Variants in COL23A1 observed in about 807,000 individuals in gnomAD.
COL23A1 encodes collagen alpha-1(XXIII) chain.
A neutral mutation model predicts 99.3 loss-of-function variants in COL23A1; 97 were observed. That is an observed-to-expected ratio of 0.98 (90% CI 0.83 to 1.16). The LOEUF is 1.16. Ranked by LOEUF, COL23A1 falls within the 50% of genes most tolerant of loss-of-function variation. The pLI is 0.00. For missense variants in COL23A1, 762 were observed against 757.4 expected, an observed-to-expected ratio of 1.01 and a Z score of -0.07; for synonymous variants, 320 against 308.2, an observed-to-expected ratio of 1.04 and a Z score of -0.40.
chr5:178,587,026 T>C (rs1764040516), intron 1 of COL23A1, among the ~76,000 whole-genome samples: 1 of 152,248 alleles, frequency 6.6e-6, no homozygotes, highest in Non-Finnish European at 1.5e-5. Flanking sequence ...TGGTCTCCTC[T>C]GAATACAACT....
chr5:178,567,135 A>G (rs1267753416), intron 1 of COL23A1, among the ~76,000 whole-genome samples: 1 of 152,246 alleles, frequency 6.6e-6, no homozygotes, highest in Non-Finnish European at 1.5e-5. Context: ...AGATAGATAC[A>G]TACAGAAATC....
chr5:178,466,131 C>T (rs544074686), intron 2 of COL23A1, among the ~76,000 whole-genome samples: 3 of 152,162 alleles, frequency 2.0e-5, no homozygotes, highest in East Asian at 1.9e-4. Context: ...GGCATTGCAA[C>T]GCAAACTCAC....
Position 178,342,377 on chromosome 5 carries a change from C to T in COL23A1, c.362-35458G>A, listed in dbSNP as rs189466104. ...CCCTCCTGCATTTATCATCCTGAGTCTGTTTGCTCCATGTCTTCACCCACC... is the reference window on the plus strand; with the variant it reads ...CCCTCCTGCATTTATCATCCTGAGTTTGTTTGCTCCATGTCTTCACCCACC... On this transcript the variant is annotated intron_variant, in intron 2 of 28. Transcript: ENST00000390654. 3.7e-3 allele frequency among the ~76,000 whole-genome samples: 566 copies of T among 152,326 alleles called. 4 individuals carry two copies. The highest frequency in any genetic ancestry group is 0.013 in the African/African-American group (540 of 41,564).
In COL23A1 at chr5:178,276,027, G is replaced by A. The variant is rs554873009; in HGVS notation, c.442-5664C>T. 1.4e-4 allele frequency among the ~76,000 whole-genome samples: 21 copies of A among 152,344 alleles called. No homozygotes were observed. In the South Asian group the frequency reaches 4.1e-3, roughly 30 times the overall value. Reference sequence around the variant, plus strand: ...GTAATTGGCCTGGTACTAACGCAGCGGGCATTTGAAACTGGTGGTCCTATA... The same window carrying A: ...GTAATTGGCCTGGTACTAACGCAGCAGGCATTTGAAACTGGTGGTCCTATA... On this transcript the variant is annotated intron_variant, in intron 5 of 28. Transcript: ENST00000390654.
intron 2 of COL23A1, among the ~76,000 whole-genome samples, chr5:178,388,490 C>CAG (rs1177231697): frequency 3.4e-4 from 52 of 152,308 alleles, no homozygotes; most frequent in Non-Finnish European, 6.8e-4. Flanking sequence ...TTCAGCGGCT[C>CAG]CTCCCAAGTC....
intron 2 of COL23A1, among the ~76,000 whole-genome samples, chr5:178,323,929 T>C (rs1581153370): frequency 6.6e-6 from 1 of 152,214 alleles, no homozygotes. Flanking sequence ...ACAGCTGGTA[T>C]GTGGCAGAGC....
intron 2 of COL23A1, among the ~76,000 whole-genome samples, chr5:178,491,061 G>A (rs1038806286): frequency 3.3e-5 from 5 of 151,232 alleles, no homozygotes; most frequent in African/African-American, 1.2e-4. Context: ...GAGAGAGAGA[G>A]AAAAAGAGGA....
At chr5:178,472,060 G>A (rs1756783034) in intron 2 of COL23A1, among the ~76,000 whole-genome samples, 1 of 152,212 alleles carries the variant, frequency 6.6e-6, no homozygotes, top group South Asian at 2.1e-4. Flanking sequence ...GGGAGCTCAA[G>A]GAGGGAGGAT....
intron 2 of COL23A1, among the ~76,000 whole-genome samples, chr5:178,446,105 T>A (rs73803102): frequency 4.0e-5 from 6 of 151,786 alleles, no homozygotes; most frequent in Non-Finnish European, 8.8e-5. Context: ...ATATATATAT[T>A]TTTAAACACA....
intron 2 of COL23A1, among the ~76,000 whole-genome samples, chr5:178,320,621 C>T (rs980913346): frequency 3.3e-5 from 5 of 152,190 alleles, no homozygotes; most frequent in African/African-American, 1.2e-4. Flanking sequence ...CAAATCCTGG[C>T]CTATGAGGCT....
chr5:178,406,869 C>A (rs1408873693), intron 2 of COL23A1, among the ~76,000 whole-genome samples: 2 of 152,118 alleles, frequency 1.3e-5, no homozygotes, highest in African/African-American at 4.8e-5. Flanking sequence ...TATAAAGCTA[C>A]AATAATTAAA....
At chr5:178,263,461 T>C in intron 8 of COL23A1, 137 bp from the exon 9 acceptor site, 1 of 613,220 alleles carries the variant, frequency 1.6e-6, no homozygotes, top group East Asian at 2.8e-5. Context: ...GCTTTGTTAT[T>C]GGGCCTCTTG....
intron 2 of COL23A1, among the ~76,000 whole-genome samples, chr5:178,553,774 C>A (rs1004825299): frequency 6.6e-6 from 1 of 152,184 alleles, no homozygotes; most frequent in East Asian, 1.9e-4. Flanking sequence ...TTCATACCCA[C>A]GTCCTAGAAG....
At chr5:178,418,286 C>G (rs538089223) in intron 2 of COL23A1, among the ~76,000 whole-genome samples, 62 of 152,300 alleles carry the variant, frequency 4.1e-4, no homozygotes, top group South Asian at 4.1e-4. Flanking sequence ...TTATTACTAC[C>G]ATCAGGATAA....
In COL23A1 at chr5:178,417,462, C is replaced by T. The variant is rs144471584; in HGVS notation, c.362-110543G>A. Among the ~76,000 whole-genome samples, 569 of 152,304 alleles carry T rather than the reference C, an allele frequency of 3.7e-3. 4 individuals carry two copies. The highest frequency in any genetic ancestry group is 0.013 in the African/African-American group (547 of 41,548). On this transcript the variant is annotated intron_variant, in intron 2 of 28. Transcript: ENST00000390654. Reference sequence around the variant, plus strand: ...AGTAGCAGAGCTGTGCTTCCGATCACTGCCCAAAGGGGGAAATCACGCCCG... The same window carrying T: ...AGTAGCAGAGCTGTGCTTCCGATCATTGCCCAAAGGGGGAAATCACGCCCG...
At chr5:178,392,640 G>A (rs768812955) in intron 2 of COL23A1, among the ~76,000 whole-genome samples, 4 of 152,200 alleles carry the variant, frequency 2.6e-5, no homozygotes, top group Non-Finnish European at 5.9e-5. Context: ...GCGGACAATG[G>A]TCCCTGCTGC....
Position 178,523,159 on chromosome 5 carries a change from T to C in COL23A1, c.361+37523A>G, listed in dbSNP as rs201846613. 3.9e-4 allele frequency among the ~76,000 whole-genome samples: 27 copies of C among 70,092 alleles called. No homozygotes were observed. The East Asian group carries it at 4.6e-3, about 12-fold the overall frequency. The allele number at this position is 70,092 out of a possible 152,430, so 46.0% of individuals were successfully genotyped here. A position where few individuals can be genotyped will look rare whatever the true frequency, so the allele number is the denominator to read the frequency against. On this transcript the variant is annotated intron_variant, in intron 2 of 28. Coordinates refer to ENST00000390654, the MANE Select transcript of COL23A1 (RefSeq NM_173465.4). ...CTATTTAAAAATATATATATATATATATACATATATATATATATACACATA... is the reference window on the plus strand; with the variant it reads ...CTATTTAAAAATATATATATATATACATACATATATATATATATACACATA...
intron 2 of COL23A1, among the ~76,000 whole-genome samples, chr5:178,497,511 T>C (rs977776125): frequency 6.6e-6 from 1 of 152,224 alleles, no homozygotes; most frequent in Admixed American, 6.5e-5. Flanking sequence ...GGCAAGGCCC[T>C]GTGGATGAGA....
At chr5:178,443,271 C>T (rs1766977622) in intron 2 of COL23A1, among the ~76,000 whole-genome samples, 3 of 152,210 alleles carry the variant, frequency 2.0e-5, no homozygotes, top group South Asian at 2.1e-4. Context: ...TTCAGAGCCT[C>T]GAGCGCTCTT....
Sources: gnomAD v4.1 joint callset for allele counts (sites outside exome capture counted in the v4.1 genomes callset) on GRCh38, gnomAD v4.1.1 for gene constraint, MANE v1.5 for transcripts, NCBI Gene and HGNC (gene_info 2026-07-23, HGNC 2026-07-21) for gene names.